The following OR2L13 variants were observed in gnomAD, a reference collection of about 807,000 sequenced individuals.
The protein encoded by OR2L13 is olfactory receptor 2L13.
OR2L13 carries 14 observed loss-of-function variants against 15.3 expected under a neutral mutation model. The observed-to-expected ratio is 0.91, with a 90% CI of 0.60 to 1.43. The LOEUF (loss-of-function observed/expected upper bound fraction) is 1.43. Among genes scored for constraint, OR2L13 ranks in the 40% most tolerant of loss-of-function variants. The pLI is 0.00. For synonymous variants in OR2L13, 152 were observed against 142.9 expected (o/e 1.06, Z -0.45); for missense variants, 367 against 387.9 (o/e 0.95, Z 0.45).
the OR2L13 span, chr1:248,030,204 A>G: frequency 6.6e-6 from 1 of 152,202 alleles, no homozygotes; most frequent in Non-Finnish European, 1.5e-5. Flanking sequence ...AAGCAAAGGC[A>G]CTGAGTGTTT....
chr1:248,060,852 C>T, the OR2L13 span: 7 of 1,613,968 alleles, frequency 4.3e-6, no homozygotes, highest in Non-Finnish European at 5.9e-6. Context: ...TCCACACACC[C>T]ATGTATTTCC....
the OR2L13 span, among the ~76,000 whole-genome samples, chr1:247,947,685 T>C: frequency 3.9e-5 from 6 of 152,186 alleles, no homozygotes; most frequent in Non-Finnish European, 4.4e-5. Context: ...TAGAGTATTC[T>C]GAAATTAGGC....
the OR2L13 span, among the ~76,000 whole-genome samples, chr1:247,979,972 T>TTG: frequency 4.6e-5 from 7 of 152,178 alleles, no homozygotes; most frequent in Admixed American, 4.6e-4. Flanking sequence ...AAACATCAAA[T>TTG]TGTAACCCAT....
At chr1:248,021,892 T>A in the OR2L13 span, 1 of 1,403,686 alleles carries the variant, frequency 7.1e-7, no homozygotes, top group Non-Finnish European at 9.9e-7. Context: ...AATGGGGAAC[T>A]ACTGTACTTG....
At chr1:247,960,398 T>A in the OR2L13 span, among the ~76,000 whole-genome samples, 1 of 152,184 alleles carries the variant, frequency 6.6e-6, no homozygotes, top group Non-Finnish European at 1.5e-5. Flanking sequence ...GGGACCCACT[T>A]GAGGAGGCAG....
the OR2L13 span, among the ~76,000 whole-genome samples, chr1:248,069,545 G>A: frequency 1.3e-5 from 2 of 152,270 alleles, no homozygotes; most frequent in African/African-American, 4.8e-5. Context: ...GACCATCGAT[G>A]CTAGGAAGAA....
chr1:247,940,680 A>G, the OR2L13 span, among the ~76,000 whole-genome samples: 1 of 151,866 alleles, frequency 6.6e-6, no homozygotes, highest in African/African-American at 2.4e-5. Context: ...GAACATATGA[A>G]TGCATGTGCC....
At chr1:248,084,058 G>A in the OR2L13 span, 10 of 1,611,416 alleles carry the variant, frequency 6.2e-6, no homozygotes, top group Admixed American at 1.2e-4. Context: ...ACCAGCACGG[G>A]GGCCTCGCAG....
chr1:247,976,442 T>A, the OR2L13 span, among the ~76,000 whole-genome samples: 1 of 152,166 alleles, frequency 6.6e-6, no homozygotes, highest in Non-Finnish European at 1.5e-5. Flanking sequence ...TCAACATTAT[T>A]TCCATAAAAC....
chr1:247,963,137 A>C, the OR2L13 span, among the ~76,000 whole-genome samples: 9 of 152,312 alleles, frequency 5.9e-5, no homozygotes, highest in Admixed American at 3.3e-4. Flanking sequence ...GTGCCTACTC[A>C]TAGGCAGAGT....
At chr1:248,034,294 C>T in the OR2L13 span, among the ~76,000 whole-genome samples, 3 of 152,032 alleles carry the variant, frequency 2.0e-5, no homozygotes, top group Non-Finnish European at 4.4e-5. Flanking sequence ...TCTTCACAGA[C>T]AATTCTCAAA....
the OR2L13 span, among the ~76,000 whole-genome samples, chr1:247,961,035 C>T: frequency 1.3e-5 from 2 of 152,188 alleles, no homozygotes; most frequent in African/African-American, 4.8e-5. Context: ...GTCGCTCACG[C>T]TGGGAGCTGT....
chr1:248,056,485 C>A, the OR2L13 span, among the ~76,000 whole-genome samples: 2 of 152,044 alleles, frequency 1.3e-5, no homozygotes, highest in African/African-American at 4.8e-5. Flanking sequence ...TTGCTTTGTG[C>A]ATTTAGTGCA....
the OR2L13 span, among the ~76,000 whole-genome samples, chr1:248,006,281 G>GTGTGTT: frequency 7.0e-6 from 1 of 143,598 alleles, no homozygotes; most frequent in Non-Finnish European, 1.5e-5. Context: ...GTGTGTGTGT[G>GTGTGTT]TGTGTTTGTG....
the OR2L13 span, among the ~76,000 whole-genome samples, chr1:248,016,782 T>C: frequency 6.6e-6 from 1 of 151,980 alleles, no homozygotes; most frequent in Admixed American, 6.6e-5. Flanking sequence ...TATATAAACT[T>C]ATGTATGTAT....
chr1:248,075,837 T>C, the OR2L13 span, among the ~76,000 whole-genome samples: 6 of 152,180 alleles, frequency 3.9e-5, no homozygotes, highest in Admixed American at 6.5e-5. Context: ...TATTTTGCCA[T>C]GCAGAATCTC....
the OR2L13 span, among the ~76,000 whole-genome samples, chr1:247,963,756 C>T: frequency 6.6e-6 from 1 of 152,134 alleles, no homozygotes; most frequent in Non-Finnish European, 1.5e-5. Flanking sequence ...TCTGTCCTCT[C>T]TCTAGTACAA....
At chr1:248,038,848 A>G in the OR2L13 span, 1 of 1,614,018 alleles carries the variant, frequency 6.2e-7, no homozygotes, top group South Asian at 1.1e-5. Flanking sequence ...ACTTGGGTCT[A>G]TGAGAGCACA....
chr1:248,068,579 C>T, the OR2L13 span, among the ~76,000 whole-genome samples: 3 of 152,218 alleles, frequency 2.0e-5, no homozygotes, highest in Admixed American at 2.0e-4. Context: ...CACCTCTCCT[C>T]CTCCAAAGGA....
Sources: allele counts gnomAD v4.1 joint callset (sites outside exome capture counted in the v4.1 genomes callset), GRCh38; gene constraint gnomAD v4.1.1; transcripts MANE v1.5; gene names NCBI Gene and HGNC (gene_info 2026-07-23, HGNC 2026-07-21).